Variants in CLVS1 observed in about 807,000 individuals in gnomAD.
CLVS1 encodes the protein clavesin 1.
CLVS1 carries 10 observed loss-of-function variants against 33.1 expected under a neutral mutation model. That is an observed-to-expected ratio of 0.30 (90% confidence interval 0.19 to 0.51). CLVS1 has a LOEUF of 0.51. Among genes scored for constraint, CLVS1 ranks in the 20% least tolerant of loss-of-function variants. CLVS1 has a pLI of 0.97. For synonymous variants in CLVS1, 163 were observed against 166.1 expected (o/e 0.98, Z 0.14); for missense variants, 343 against 433.4 (o/e 0.79, Z 1.85).
At chr8:60,977,536 G>A in the CLVS1 span, among the ~76,000 whole-genome samples, 1 of 152,102 alleles carries the variant, frequency 6.6e-6, no homozygotes, top group South Asian at 2.1e-4. Flanking sequence ...GTTGAAAAGT[G>A]CAAAAACTAA....
chr8:61,381,595 C>A (rs986319086), intron 3 of CLVS1, among the ~76,000 whole-genome samples: 1 of 152,126 alleles, frequency 6.6e-6, no homozygotes, highest in African/African-American at 2.4e-5. Context: ...CTTCTACCCT[C>A]CAACTTTAAG....
At chr8:61,140,485 G>A (rs1467661248) in intron 2 of CLVS1, among the ~76,000 whole-genome samples, 3 of 152,208 alleles carry the variant, frequency 2.0e-5, no homozygotes, top group Non-Finnish European at 4.4e-5. Flanking sequence ...CAAAGGAAAT[G>A]CTTGTAACTA....
intron 5 of CLVS1, among the ~76,000 whole-genome samples, chr8:61,478,086 T>C (rs1818025163): frequency 6.6e-6 from 1 of 152,250 alleles, no homozygotes; most frequent in South Asian, 2.1e-4. Context: ...CCTGCAGTCA[T>C]TCAGGAGCAG....
At chr8:61,297,095 GAGA>G (rs576271166) in intron 1 of CLVS1, among the ~76,000 whole-genome samples, 302 of 152,294 alleles carry the variant, frequency 2.0e-3, no homozygotes, top group Non-Finnish European at 3.5e-3. Context: ...ACACAAAGGT[GAGA>G]AGAAGCTGCC....
the CLVS1 span, among the ~76,000 whole-genome samples, chr8:61,047,132 G>A: frequency 3.4e-4 from 51 of 152,166 alleles, no homozygotes; most frequent in East Asian, 6.2e-3. Context: ...CAACCCCATC[G>A]AAAAGTGGGC....
intron 2 of CLVS1, among the ~76,000 whole-genome samples, chr8:61,316,942 T>C (rs578167930): frequency 6.6e-6 from 1 of 152,314 alleles, no homozygotes; most frequent in South Asian, 2.1e-4. Flanking sequence ...AAGGAGCTAA[T>C]ACAAGTAAAA....
chr8:61,038,637 T>C, the CLVS1 span, among the ~76,000 whole-genome samples: 1 of 152,124 alleles, frequency 6.6e-6, no homozygotes, highest in African/African-American at 2.4e-5. Flanking sequence ...TACAAGGATG[T>C]AAAGTGAGAA....
the CLVS1 span, among the ~76,000 whole-genome samples, chr8:60,971,576 A>G: frequency 4.5e-4 from 69 of 152,156 alleles, no homozygotes; most frequent in Non-Finnish European, 7.2e-4. Flanking sequence ...CCAGAGGTGC[A>G]GAGTAAACCT....
chr8:61,188,978 A>G (rs1390892826), intron 2 of CLVS1, among the ~76,000 whole-genome samples: 2 of 152,170 alleles, frequency 1.3e-5, no homozygotes, highest in African/African-American at 4.8e-5. Flanking sequence ...AATTAAAAGA[A>G]TTATACATTT....
chr8:61,272,282 G>T (rs1419361571), intron 2 of CLVS1, among the ~76,000 whole-genome samples: 1 of 151,982 alleles, frequency 6.6e-6, no homozygotes, highest in Non-Finnish European at 1.5e-5. Context: ...TGAAATTCTG[G>T]GTTGAAAATT....
At chr8:61,408,827 A>G (rs1338619875) in intron 3 of CLVS1, among the ~76,000 whole-genome samples, 3 of 152,180 alleles carry the variant, frequency 2.0e-5, no homozygotes, top group African/African-American at 7.2e-5. Flanking sequence ...CAGGTTGAGA[A>G]CAGTGATCTA....
intron 5 of CLVS1, among the ~76,000 whole-genome samples, chr8:61,497,110 T>C (rs1166947095): frequency 1.3e-5 from 2 of 152,214 alleles, no homozygotes; most frequent in African/African-American, 4.8e-5. Flanking sequence ...TGTTTTAGTA[T>C]GTTGTGTTGA....
intron 2 of CLVS1, among the ~76,000 whole-genome samples, chr8:61,282,334 G>A (rs1035013126): frequency 2.0e-5 from 3 of 152,182 alleles, no homozygotes; most frequent in East Asian, 1.9e-4. Flanking sequence ...AAGAAGAGAA[G>A]AAGAAGCAGC....
chr8:61,409,651 A>G (rs183378267), intron 3 of CLVS1, among the ~76,000 whole-genome samples: 5 of 152,320 alleles, frequency 3.3e-5, no homozygotes, highest in African/African-American at 1.2e-4. Flanking sequence ...ACAATTATCT[A>G]CAAGTTCTCA....
chr8:61,299,915 C>G lies in CLVS1; in HGVS notation c.88C>G (p.Leu30Val). Residue 30 changes from leucine (L) to valine (V), a missense_variant, in exon 2 of 6, where the codon CTC (leucine) becomes GTC (valine). By Grantham distance (32) the Leu-to-Val change is conservative. Transcript: ENST00000325897. ...CAAGATGACCCATTTACAGGCTGGA[C>G]TCAGTCCAGAGACTATAGAGAAAGC... is the stretch of plus-strand genomic sequence containing the variant. ...LAKMTHLQAG[L>V]SPETIEKARL... The G allele has an allele frequency of 6.2e-7, 1 of 1,613,966 alleles. No individual in the cohort carries two copies.
chr8:61,017,125 G>T, the CLVS1 span, among the ~76,000 whole-genome samples: 2 of 152,198 alleles, frequency 1.3e-5, no homozygotes, highest in Admixed American at 1.3e-4. Context: ...GGGCTGCACT[G>T]GGGGAGAGCC....
chr8:61,063,974 C>T (rs1262495216), intron 1 of CLVS1, among the ~76,000 whole-genome samples: 1 of 152,164 alleles, frequency 6.6e-6, no homozygotes, highest in Admixed American at 6.5e-5. Context: ...AGGAATTATA[C>T]AATATTTGTC....
chr8:61,369,880 C>T (rs1813361792), intron 2 of CLVS1, among the ~76,000 whole-genome samples: 1 of 152,124 alleles, frequency 6.6e-6, no homozygotes, highest in African/African-American at 2.4e-5. Flanking sequence ...ACAGAAGGAG[C>T]ACATTTGCCT....
the CLVS1 span, among the ~76,000 whole-genome samples, chr8:60,975,267 G>A: frequency 1.3e-5 from 2 of 152,166 alleles, no homozygotes; most frequent in African/African-American, 4.8e-5. Flanking sequence ...CTTTGTAAAA[G>A]AGCACTAATG....
Sources: allele counts gnomAD v4.1 joint callset (sites outside exome capture counted in the v4.1 genomes callset), GRCh38; gene constraint gnomAD v4.1.1; transcripts MANE v1.5; gene names NCBI Gene and HGNC (gene_info 2026-07-23, HGNC 2026-07-21).